GRM8: variants seen among roughly 807,000 people sequenced by gnomAD.
GRM8 encodes metabotropic glutamate receptor 8.
GRM8 carries 47 observed loss-of-function variants against 87.2 expected under a neutral mutation model. The observed-to-expected ratio is 0.54, with a 90% CI of 0.43 to 0.69. The LOEUF is 0.69. GRM8 is among the 30% of genes least tolerant of loss of function. The pLI is 0.00. For missense variants in GRM8, 1,019 were observed against 1,139.2 expected (o/e 0.89, Z 1.52); for synonymous variants, 396 against 404.5 (o/e 0.98, Z 0.25).
chr7:127,245,418 CA>C (rs1412415445), intron 1 of GRM8, among the ~76,000 whole-genome samples: 3 of 152,178 alleles, frequency 2.0e-5, no homozygotes, highest in African/African-American at 7.2e-5. Context: ...TACACCAAGC[CA>C]TCCCCCAAGT....
intron 6 of GRM8, among the ~76,000 whole-genome samples, chr7:126,845,740 T>A (rs2130653080): frequency 6.6e-6 from 1 of 152,310 alleles, no homozygotes; most frequent in South Asian, 2.1e-4. Context: ...AAAATTATAT[T>A]ACTTACATAA....
At chr7:126,596,266 T>C (rs1253638688) in intron 8 of GRM8, among the ~76,000 whole-genome samples, 1 of 152,204 alleles carries the variant, frequency 6.6e-6, no homozygotes, top group Non-Finnish European at 1.5e-5. Context: ...TAATTTACTT[T>C]TGCACCAGCA....
intron 3 of GRM8, among the ~76,000 whole-genome samples, chr7:126,928,873 A>G (rs971739211): frequency 2.0e-5 from 3 of 150,994 alleles, no homozygotes; most frequent in Non-Finnish European, 3.0e-5. Flanking sequence ...ACTTTTAGGG[A>G]AAAAAAAATA....
At chr7:126,905,578 G>A (rs77449432) in intron 3 of GRM8, among the ~76,000 whole-genome samples, 1,938 of 152,136 alleles carry the variant, frequency 0.013, 49 homozygotes, top group African/African-American at 0.044. Flanking sequence ...CATTGCTTCA[G>A]TAGGCAAAGG....
chr7:126,734,925 G>T (rs1348968802), intron 7 of GRM8, among the ~76,000 whole-genome samples: 1 of 152,022 alleles, frequency 6.6e-6, no homozygotes, highest in Non-Finnish European at 1.5e-5. Context: ...CAGTAATCAA[G>T]GGAGGGTTTG....
chr7:126,874,724 G>A (rs1472043974), intron 6 of GRM8, among the ~76,000 whole-genome samples: 3 of 152,110 alleles, frequency 2.0e-5, no homozygotes, highest in South Asian at 2.1e-4. Context: ...CCTTGCTTCA[G>A]TAAGCTTCTC....
chr7:127,178,123 A>G (rs565787364), intron 2 of GRM8, among the ~76,000 whole-genome samples: 1 of 152,316 alleles, frequency 6.6e-6, no homozygotes, highest in South Asian at 2.1e-4. Flanking sequence ...TGAAGGGAAA[A>G]TTATTCAAGG....
At chr7:126,598,180 C>T (rs531754884) in intron 8 of GRM8, among the ~76,000 whole-genome samples, 1 of 151,690 alleles carries the variant, frequency 6.6e-6, no homozygotes, top group South Asian at 2.1e-4. Context: ...CTGTTATTTT[C>T]AGTTATTATT....
chr7:127,106,690 G>T lies in GRM8; in HGVS notation c.533C>A (p.Ser178Tyr). Residue 178 changes from serine to tyrosine, a missense_variant, in exon 3 of 11, where the codon TCC (serine) becomes TAC (tyrosine). Ser to Tyr is a moderately radical substitution (Grantham distance 144). Coordinates refer to ENST00000339582, the MANE Select transcript of GRM8 (RefSeq NM_000845.3). ...GTTATCACTTAGCTCTGGGGCTGTG[G>T]ATGCATAGCTGATTTGAGGTATCTG... ...LFKIPQISYA[S>Y]TAPELSDNTR... 6.2e-7 allele frequency: 1 copy of T among 1,612,746 alleles called. No individual in the cohort carries two copies. The highest frequency in any genetic ancestry group is 8.5e-7 in the Non-Finnish European group (1 of 1,178,806).
intron 3 of GRM8, among the ~76,000 whole-genome samples, chr7:127,019,733 A>C (rs1186576490): frequency 6.6e-6 from 1 of 152,084 alleles, no homozygotes; most frequent in Non-Finnish European, 1.5e-5. Context: ...CTTTGAAGTC[A>C]AAAACCTTAA....
intron 9 of GRM8, among the ~76,000 whole-genome samples, chr7:126,532,406 G>C (rs936795834): frequency 6.6e-6 from 1 of 152,108 alleles, no homozygotes; most frequent in Non-Finnish European, 1.5e-5. Flanking sequence ...TTATACGTGT[G>C]TGTGATTATT....
chr7:126,475,392 C>A (rs1805779828), intron 9 of GRM8, among the ~76,000 whole-genome samples: 1 of 151,390 alleles, frequency 6.6e-6, no homozygotes, highest in African/African-American at 2.4e-5. Context: ...AAATAAAATA[C>A]ATAGACAAAA....
chr7:126,810,486 C>CA (rs1355998586), intron 6 of GRM8, among the ~76,000 whole-genome samples: 1 of 152,154 alleles, frequency 6.6e-6, no homozygotes, highest in Non-Finnish European at 1.5e-5. Flanking sequence ...GCCACTGCTG[C>CA]AAAAATTGTC....
At chr7:126,958,656 T>C (rs148337244) in intron 3 of GRM8, among the ~76,000 whole-genome samples, 87 of 152,214 alleles carry the variant, frequency 5.7e-4, no homozygotes, top group Admixed American at 4.3e-3. Flanking sequence ...TCAGGACAAG[T>C]GGGCATAACA....
Position 126,446,382 on chromosome 7 carries a change from G to T in GRM8, c.2431-10C>A. 3.5e-6 allele frequency: 5 copies of T among 1,415,074 alleles called. No homozygotes were observed. Among genetic ancestry groups the T allele is most frequent in the Non-Finnish European group, 4.8e-6 (5 of 1,047,022 alleles). The allele number at this position is 1,415,074 out of a possible 1,614,324, so 87.7% of individuals were successfully genotyped here. ...TTGTCTGGATGTACATCTGAGGGAA[G>T]AAAAAAAAAAGAATCACTGTTGGTA... On this transcript the variant is annotated splice_polypyrimidine_tract_variant and intron_variant, in intron 9 of 10. Coordinates refer to ENST00000339582, the MANE Select transcript of GRM8 (RefSeq NM_000845.3).
chr7:126,715,967 T>C (rs1563118434), intron 7 of GRM8, among the ~76,000 whole-genome samples: 1 of 152,222 alleles, frequency 6.6e-6, no homozygotes, highest in Non-Finnish European at 1.5e-5. Flanking sequence ...CAGTTGCTTA[T>C]AATTGAACTC....
chr7:126,701,999 C>A (rs1291462032), intron 7 of GRM8, among the ~76,000 whole-genome samples: 1 of 152,090 alleles, frequency 6.6e-6, no homozygotes, highest in African/African-American at 2.4e-5. Context: ...ATTTGGTCAC[C>A]CCAACTAAAA....
chr7:126,700,858 G>A (rs559396508), intron 7 of GRM8, among the ~76,000 whole-genome samples: 1 of 152,156 alleles, frequency 6.6e-6, no homozygotes, highest in South Asian at 2.1e-4. Flanking sequence ...CTGTTCCCAA[G>A]ATACTTTGTG....
chr7:126,775,893 C>G (rs1484857321), intron 6 of GRM8, among the ~76,000 whole-genome samples: 1 of 152,084 alleles, frequency 6.6e-6, no homozygotes, highest in Non-Finnish European at 1.5e-5. Context: ...TCTGCTGCAC[C>G]ACACACCTCT....
Sources: allele counts gnomAD v4.1 joint callset (sites outside exome capture counted in the v4.1 genomes callset), GRCh38; gene constraint gnomAD v4.1.1; transcripts MANE v1.5; gene names NCBI Gene and HGNC (gene_info 2026-07-23, HGNC 2026-07-21).